AK8: variants seen among roughly 807,000 people sequenced by gnomAD.
AK8 encodes adenylate kinase 8.
In AK8, 44 loss-of-function variants were observed where a neutral mutation model predicts 54.6. The ratio of observed to expected loss-of-function variants is 0.81; its 90% CI spans 0.63 to 1.04. The LOEUF (loss-of-function observed/expected upper bound fraction) is 1.04. Among genes scored for constraint, AK8 ranks in the 50% least tolerant of loss-of-function variants. The pLI, the probability that AK8 is intolerant of heterozygous loss-of-function variation, is 0.00. For synonymous variants in AK8, 239 were observed against 245.6 expected (o/e 0.97, Z 0.25); for missense variants, 555 against 613.6 (o/e 0.90, Z 1.01).
chr9:132,841,431 G>GTAGC (rs1842542367), intron 5 of AK8, among the ~76,000 whole-genome samples: 1 of 152,234 alleles, frequency 6.6e-6, no homozygotes. Context: ...CGGCGTGGGG[G>GTAGC]TAGCATCCAT....
Position 132,853,783 on chromosome 9 carries a change from C to CAAAAAAAAA in AK8, c.402+1065_402+1073dup, listed in dbSNP as rs71376669. 8.7e-4 allele frequency among the ~76,000 whole-genome samples: 37 copies of CAAAAAAAAA among 42,568 alleles called. 1 individual carries two copies. The highest frequency in any genetic ancestry group is 1.2e-3 in the Admixed American group (3 of 2,486). The allele number at this position is 42,568 out of a possible 152,430, so 27.9% of individuals were successfully genotyped here. On this transcript the variant is annotated intron_variant, in intron 5 of 12. Transcript: ENST00000298545. ...TGGGCAACAGAGCAAGACTCTGCCT[C>CAAAAAAAAA]AAAAAAAAAAAAAAAAAAAAAAAAA... is the stretch of plus-strand genomic sequence containing the variant.
chr9:132,873,006 G>T (rs1843923469), intron 2 of AK8, among the ~76,000 whole-genome samples: 1 of 152,038 alleles, frequency 6.6e-6, no homozygotes, highest in Non-Finnish European at 1.5e-5. Flanking sequence ...GTAGAGATGG[G>T]ATTTCACCAT....
intron 11 of AK8, among the ~76,000 whole-genome samples, chr9:132,765,896 AT>A (rs1320562178): frequency 6.6e-6 from 1 of 152,226 alleles, no homozygotes; most frequent in Non-Finnish European, 1.5e-5. Flanking sequence ...AGGAAGTCAA[AT>A]TATCCCTGTT....
chr9:132,812,778 A>G (rs974549832), intron 10 of AK8, among the ~76,000 whole-genome samples: 22 of 152,200 alleles, frequency 1.4e-4, no homozygotes, highest in Non-Finnish European at 2.9e-4. Flanking sequence ...ACTGGGAAGC[A>G]TAAGAGCTCG....
At chr9:132,779,480 C>A (rs532758193) in intron 11 of AK8, among the ~76,000 whole-genome samples, 8 of 152,198 alleles carry the variant, frequency 5.3e-5, no homozygotes, top group Non-Finnish European at 1.5e-5. Flanking sequence ...CACCACCATG[C>A]GCGGCTTAGC....
chr9:132,858,666 T>A (rs1407833529), intron 4 of AK8, among the ~76,000 whole-genome samples: 2 of 152,064 alleles, frequency 1.3e-5, no homozygotes, highest in African/African-American at 2.4e-5. Flanking sequence ...TGACAGAACA[T>A]CCTTTAGAGA....
At chr9:132,830,191 G>A (rs1233785733) in intron 5 of AK8, among the ~76,000 whole-genome samples, 2 of 152,156 alleles carry the variant, frequency 1.3e-5, no homozygotes, top group South Asian at 2.1e-4. Flanking sequence ...GAATTGACCT[G>A]ATGTTAACTG....
chr9:132,825,642 T>C (rs957635114), intron 8 of AK8, among the ~76,000 whole-genome samples: 2 of 152,116 alleles, frequency 1.3e-5, no homozygotes, highest in Non-Finnish European at 2.9e-5. Context: ...GGCTGTTCAA[T>C]CCACGCCGGC....
At chr9:132,833,994 T>C (rs944028) in intron 5 of AK8, among the ~76,000 whole-genome samples, 30,988 of 152,248 alleles carry the variant, frequency 0.2, 3,453 homozygotes, top group East Asian at 0.44. Flanking sequence ...CAGTCCTGCC[T>C]CTGATCTGGC....
intron 11 of AK8, among the ~76,000 whole-genome samples, chr9:132,730,787 G>C (rs1193312547): frequency 1.3e-5 from 2 of 152,166 alleles, no homozygotes; most frequent in African/African-American, 4.8e-5. Flanking sequence ...CTGGGTGTTG[G>C]GTGGGCTCAT....
In AK8 at chr9:132,730,225, T is replaced by C. The variant is rs561188102; in HGVS notation, c.1122-2691A>G. Among the ~76,000 whole-genome samples the C allele has an allele frequency of 2.6e-5, 4 of 152,290 alleles. No individual in the cohort carries two copies. The South Asian group carries it at 8.3e-4, about 32-fold the overall frequency. On this transcript the variant is annotated intron_variant, in intron 11 of 12. Coordinates refer to ENST00000298545, the MANE Select transcript of AK8 (RefSeq NM_152572.3). Reference sequence around the variant, plus strand: ...CATCCTTGGAATTCTCCAGATGTGTTGAGCGGGCTGCCAAGAGGCCGCGCT... The same window carrying C: ...CATCCTTGGAATTCTCCAGATGTGTCGAGCGGGCTGCCAAGAGGCCGCGCT...
Position 132,878,050 on chromosome 9 carries a change from G to C in AK8, c.84+122C>G, listed in dbSNP as rs1159666311. On this transcript the variant is annotated intron_variant, in intron 1 of 12. Transcript: ENST00000298545. The surrounding 1 kb of genome is among the most constrained non-coding windows in gnomAD (Gnocchi z 4.7). The stretch of plus-strand genomic sequence containing the variant: ...GCGACACACGAATCGTACATCCCGA[G>C]TTGGGCTGCTTCGTGGGCGCGCGAC... 1 of 1,538,622 alleles carries C rather than the reference G, an allele frequency of 6.5e-7. No homozygotes were observed. Among genetic ancestry groups the C allele is most frequent in the Admixed American group, 2.0e-5 (1 of 50,666 alleles).
chr9:132,777,448 G>A (rs548324716), intron 11 of AK8, among the ~76,000 whole-genome samples: 7 of 152,254 alleles, frequency 4.6e-5, no homozygotes, highest in Admixed American at 1.3e-4. Flanking sequence ...ACTCCACACC[G>A]GTGTTCCTTG....
intron 11 of AK8, among the ~76,000 whole-genome samples, chr9:132,773,534 C>T (rs759973223): frequency 1.3e-5 from 2 of 152,206 alleles, no homozygotes; most frequent in Non-Finnish European, 2.9e-5. Flanking sequence ...GGTTTTGTTT[C>T]CTTTTGAGTC....
Position 132,875,175 on chromosome 9 carries a change from G to A in AK8, c.109C>T (p.His37Tyr). The A allele has an allele frequency of 4.3e-6, 7 of 1,614,168 alleles. No individual in the cohort carries two copies. The highest frequency in any genetic ancestry group is 5.9e-6 in the Non-Finnish European group (7 of 1,180,024). The change falls in exon 2 of 13, where the codon CAC (histidine) becomes TAC (tyrosine). Residue 37 changes from histidine to tyrosine, a missense_variant. His to Tyr is a moderately conservative substitution (Grantham distance 83). Transcript: ENST00000298545. ...AAGGGGATGGGATCTTCGGGCTGGTGGATCAGGAGTTGCTCCAGCATGTTC... is the reference window on the plus strand; with the variant it reads ...AAGGGGATGGGATCTTCGGGCTGGTAGATCAGGAGTTGCTCCAGCATGTTC... ...MQNMLEQLLI[H>Y]QPEDPIPFMI...
At chr9:132,839,831 G>GGC (rs1554801295) in intron 5 of AK8, among the ~76,000 whole-genome samples, 1 of 118,956 alleles carries the variant, frequency 8.4e-6, no homozygotes, top group Non-Finnish European at 1.8e-5. Context: ...GGGGGGGGGG[G>GGC]CGCAGGGACG....
At position 132,826,737 on chromosome 9, in the gene AK8, G is replaced by T; in HGVS notation, c.757+117C>A. 1 of 1,204,530 alleles carries T rather than the reference G, an allele frequency of 8.3e-7. No homozygotes were observed. The allele number at this position is 1,204,530 out of a possible 1,614,324, so 74.6% of individuals were successfully genotyped here. A position where few individuals can be genotyped will look rare whatever the true frequency, so the allele number is the denominator to read the frequency against. ...GGTCATCTATGTCTTGACTTCCAGG[G>T]TCCCAGGCATGTCCCAGACACTGGC... On this transcript the variant is annotated intron_variant, in intron 8 of 12. Transcript: ENST00000298545. The surrounding 1 kb of genome is among the most constrained non-coding windows in gnomAD (Gnocchi z 4.5).
chr9:132,849,242 G>A (rs907736739), intron 5 of AK8, among the ~76,000 whole-genome samples: 1 of 152,114 alleles, frequency 6.6e-6, no homozygotes, highest in African/African-American at 2.4e-5. Flanking sequence ...TCAAGAGAAA[G>A]GGCAGAAATG....
intron 11 of AK8, among the ~76,000 whole-genome samples, chr9:132,773,278 G>A (rs1291966517): frequency 6.6e-6 from 1 of 152,016 alleles, no homozygotes; most frequent in African/African-American, 2.4e-5. Context: ...CTCCATATAA[G>A]CCTCTGCTCA....
Sources: allele counts gnomAD v4.1 joint callset (sites outside exome capture counted in the v4.1 genomes callset), GRCh38; gene constraint gnomAD v4.1.1; non-coding constraint Gnocchi (gnomAD v3.1); transcripts MANE v1.5; gene names NCBI Gene and HGNC (gene_info 2026-07-23, HGNC 2026-07-21).